LRRC74B: variants seen among roughly 807,000 people sequenced by gnomAD.
The protein encoded by LRRC74B is leucine rich repeat containing 74B, also known as leucine-rich repeat-containing protein 74B.
Under a neutral mutation model 16.6 loss-of-function variants are expected in LRRC74B, and 30 were observed. That is an observed-to-expected ratio of 1.80 (90% CI 1.35 to 2.45). LRRC74B has a LOEUF of 2.45. Ranked by LOEUF, LRRC74B falls within the 30% of genes most tolerant of loss-of-function variation. The probability of loss-of-function intolerance (pLI) is 0.00; values close to 1 mark genes in which losing one functional copy is unlikely to be tolerated. For synonymous variants in LRRC74B, 134 were observed against 86.0 expected (o/e 1.56, Z -3.09); for missense variants, 326 against 202.4 (o/e 1.61, Z -3.71).
At chr22:21,048,222 AC>A in intron 3 of LRRC74B, 1 of 560,456 alleles carries the variant, frequency 1.8e-6, no homozygotes, top group Non-Finnish European at 3.2e-6. Flanking sequence ...TCCTTTCCTC[AC>A]CCACCCCACA....
rs550498800 is a variant in LRRC74B, at chr22:21,050,184, G to A, written c.622+1027G>A. ...CCTGAGTAGCTGGGATTACAGGTGC[G>A]TGCGACAAGGCCTGGCTAATTTTTC... On this transcript the variant is annotated intron_variant, in intron 4 of 8. Transcript: ENST00000442047. Among the ~76,000 whole-genome samples, 9 of 152,182 alleles carry A rather than the reference G, an allele frequency of 5.9e-5. No homozygotes were observed. In the South Asian group the frequency reaches 8.3e-4, roughly 14 times the overall value.
At chr22:21,058,286 G>A (rs910521308) in intron 8 of LRRC74B, among the ~76,000 whole-genome samples, 7 of 151,978 alleles carry the variant, frequency 4.6e-5, no homozygotes, top group African/African-American at 1.7e-4. Context: ...GAGGTGGGAG[G>A]ATCCCTTGAA....
intron 1 of LRRC74B, among the ~76,000 whole-genome samples, chr22:21,046,865 G>A (rs970537610): frequency 2.6e-5 from 4 of 152,148 alleles, no homozygotes; most frequent in South Asian, 4.2e-4. Flanking sequence ...GCCCAGGCAG[G>A]CAGATCACCT....
At chr22:21,048,183 T>A in intron 3 of LRRC74B, 167 bp downstream of exon 3, 1 of 618,388 alleles carries the variant, frequency 1.6e-6, no homozygotes, top group East Asian at 2.8e-5. Context: ...AGTTAGACCC[T>A]CTGCTGTGCA....
intron 6 of LRRC74B, among the ~76,000 whole-genome samples, chr22:21,054,294 C>T (rs1055513843): frequency 1.3e-5 from 2 of 152,212 alleles, no homozygotes; most frequent in South Asian, 2.1e-4. Context: ...GCGAGTAAAA[C>T]GAGCCTAGTC....
At chr22:21,049,375 C>T (rs1314879081) in intron 4 of LRRC74B, 1 of 552,992 alleles carries the variant, frequency 1.8e-6, no homozygotes, top group African/African-American at 1.9e-5. Flanking sequence ...ATGTGCTGGG[C>T]ACTGACTTAG....
chr22:21,047,636 G>C (rs1601804722), intron 2 of LRRC74B, 138 bp downstream of exon 2: 1 of 624,640 alleles, frequency 1.6e-6, no homozygotes, highest in Admixed American at 2.6e-5. Flanking sequence ...TCCACATCTG[G>C]GAGACAGATG....
chr22:21,051,586 C>T (rs1930052169), intron 4 of LRRC74B, among the ~76,000 whole-genome samples: 1 of 152,108 alleles, frequency 6.6e-6, no homozygotes, highest in Non-Finnish European at 1.5e-5. Context: ...CTTGCCTCTG[C>T]CCCCACCCAG....
chr22:21,048,285 G>A (rs1034026385), intron 3 of LRRC74B: 14 of 461,856 alleles, frequency 3.0e-5, no homozygotes, highest in African/African-American at 2.6e-4. Flanking sequence ...CCTAGCACAT[G>A]GGAGACTCCC....
At chr22:21,052,051 G>C (rs1930105341) in intron 4 of LRRC74B, among the ~76,000 whole-genome samples, 198 bp from the exon 5 acceptor site, 1 of 152,132 alleles carries the variant, frequency 6.6e-6, no homozygotes, top group South Asian at 2.1e-4. Context: ...TAGTCTAAAT[G>C]AATAGCTCAC....
At chr22:21,051,342 G>T (rs1930026493) in intron 4 of LRRC74B, among the ~76,000 whole-genome samples, 1 of 152,134 alleles carries the variant, frequency 6.6e-6, no homozygotes, top group South Asian at 2.1e-4. Flanking sequence ...CGGCCATGTT[G>T]CTCCGCCTTC....
At chr22:21,050,980 CAAAAAAAAAAAAAA>C (rs56383758) in intron 4 of LRRC74B, among the ~76,000 whole-genome samples, 4 of 73,426 alleles carry the variant, frequency 5.4e-5, no homozygotes, top group Non-Finnish European at 5.5e-5. Context: ...GACTCCGTCT[CAAAAAAAAAAAAAA>C]AAAAAAAAAA....
downstream of LRRC74B, among the ~76,000 whole-genome samples, chr22:21,061,082 C>A (rs1167746146): frequency 6.6e-6 from 1 of 152,144 alleles, no homozygotes; most frequent in Non-Finnish European, 1.5e-5. Flanking sequence ...AATCCCAGCC[C>A]TTTTGGAGGC....
At chr22:21,052,499 T>C in intron 5 of LRRC74B, 141 bp downstream of exon 5, 3 of 616,410 alleles carry the variant, frequency 4.9e-6, no homozygotes, top group Non-Finnish European at 5.8e-6. Flanking sequence ...CTTTAGGTGA[T>C]TTTAATTTTC....
chr22:21,055,943 G>T (rs922073170), intron 7 of LRRC74B, among the ~76,000 whole-genome samples: 7 of 152,220 alleles, frequency 4.6e-5, no homozygotes, highest in Non-Finnish European at 8.8e-5. Context: ...CTGGTGGGGG[G>T]CTCCTTCTTC....
intron 7 of LRRC74B, 142 bp downstream of exon 7, chr22:21,055,318 T>G (rs1930425970): frequency 3.3e-6 from 2 of 609,106 alleles, no homozygotes; most frequent in South Asian, 2.0e-5. Flanking sequence ...TCACCCTGAA[T>G]CTGGGGCCTG....
At chr22:21,047,858 C>T (rs1421521695) in intron 2 of LRRC74B, 26 bp from the exon 3 acceptor site, 1 of 716,288 alleles carries the variant, frequency 1.4e-6, no homozygotes, top group East Asian at 2.7e-5. Flanking sequence ...GGATAGTGGC[C>T]AGTGTGTTTG....
At chr22:21,056,943 A>G in intron 7 of LRRC74B, 162 bp from the exon 8 acceptor site, 1 of 596,538 alleles carries the variant, frequency 1.7e-6, no homozygotes, top group Non-Finnish European at 3.0e-6. Flanking sequence ...CAGCCTCACC[A>G]GAGCATTCTG....
At chr22:21,060,400 G>A (rs928363697) in exon 9 of LRRC74B, 2 of 716,878 alleles carry the variant, frequency 2.8e-6, no homozygotes, top group Non-Finnish European at 5.2e-6. Flanking sequence ...AGAGTTTGAT[G>A]GCCTTGCTAG....
Sources: allele counts gnomAD v4.1 joint callset (sites outside exome capture counted in the v4.1 genomes callset), GRCh38; gene constraint gnomAD v4.1.1; transcripts MANE v1.5; gene names NCBI Gene and HGNC (gene_info 2026-07-23, HGNC 2026-07-21).